GPC3: variants seen among roughly 807,000 people sequenced by gnomAD.
GPC3 encodes the protein glypican 3.
In GPC3, 3 loss-of-function variants were observed where a neutral mutation model predicts 34.4. The observed-to-expected ratio is 0.09, with a 90% CI of 0.04 to 0.23. The LOEUF (loss-of-function observed/expected upper bound fraction) is 0.23, where lower values mean the gene tolerates loss of function less well. Among genes scored for constraint, GPC3 ranks in the 10% least tolerant of loss-of-function variants. GPC3 has a pLI of 1.00. For missense variants in GPC3, 351 were observed against 445.6 expected, an observed-to-expected ratio of 0.79 and a Z score of 1.91; for synonymous variants, 177 against 174.0, an observed-to-expected ratio of 1.02 and a Z score of -0.13.
chrX:133,839,374 T>A (rs747559605), intron 2 of GPC3, among the ~76,000 whole-genome samples: 4 of 111,834 alleles, frequency 3.6e-5, no homozygotes, highest in African/African-American at 1.3e-4. Context: ...TTTAAACAAG[T>A]TGGATGTGTT....
intron 2 of GPC3, among the ~76,000 whole-genome samples, chrX:133,873,890 G>A (rs1262981809): frequency 9.0e-6 from 1 of 111,540 alleles, no homozygotes; most frequent in Non-Finnish European, 1.9e-5. Context: ...CACCAAAACA[G>A]GGTTCAATGT....
At chrX:133,688,841 C>T (rs765426385) in intron 5 of GPC3, among the ~76,000 whole-genome samples, 3 of 111,361 alleles carry the variant, frequency 2.7e-5, no homozygotes, top group South Asian at 3.8e-4. Flanking sequence ...AGATGAGACA[C>T]GAGTGCAAAG....
At chrX:133,657,753 T>C (rs999345523) in intron 6 of GPC3, among the ~76,000 whole-genome samples, 3 of 111,068 alleles carry the variant, frequency 2.7e-5, no homozygotes, top group African/African-American at 9.8e-5. Flanking sequence ...GTGGGTATAT[T>C]CTTTCCAGCG....
At chrX:133,591,899 A>G (rs966929430) in intron 7 of GPC3, among the ~76,000 whole-genome samples, 2 of 111,785 alleles carry the variant, frequency 1.8e-5, no homozygotes, top group Non-Finnish European at 1.9e-5. Context: ...ACCAGGCAAC[A>G]TTTTGGTAAG....
chrX:133,670,625 T>A (rs1329150741), intron 5 of GPC3, among the ~76,000 whole-genome samples: 1 of 111,995 alleles, frequency 8.9e-6, no homozygotes, highest in Non-Finnish European at 1.9e-5. Flanking sequence ...TTGCATGTAA[T>A]CCCTAACTCA....
chrX:133,614,548 C>T (rs1435107464), intron 6 of GPC3, among the ~76,000 whole-genome samples: 3 of 109,592 alleles, frequency 2.7e-5, no homozygotes, highest in African/African-American at 9.9e-5. Flanking sequence ...TTAAAAGAAA[C>T]AGAAACAGAA....
At chrX:133,983,294 T>C (rs2076549369) in intron 1 of GPC3, among the ~76,000 whole-genome samples, 1 of 112,012 alleles carries the variant, frequency 8.9e-6, no homozygotes, top group South Asian at 3.7e-4. Context: ...TCCTATAGAG[T>C]TTGTGAAATA....
At chrX:133,923,611 G>A (rs1330890559) in intron 2 of GPC3, among the ~76,000 whole-genome samples, 2 of 111,945 alleles carry the variant, frequency 1.8e-5, no homozygotes, top group African/African-American at 6.5e-5. Context: ...TAAGATGAGG[G>A]CTGTACAACC....
At chrX:133,982,218 A>G (rs1209306550) in intron 1 of GPC3, among the ~76,000 whole-genome samples, 3 of 112,052 alleles carry the variant, frequency 2.7e-5, no homozygotes, top group Non-Finnish European at 5.6e-5. Context: ...ATCTAGACTT[A>G]TGAGCTCATT....
chrX:133,556,923 T>TA (rs1368185590), intron 7 of GPC3, among the ~76,000 whole-genome samples: 12 of 106,013 alleles, frequency 1.1e-4, no homozygotes, highest in East Asian at 5.9e-4. Flanking sequence ...AAGTATAATT[T>TA]AAAAAAAAAA....
At chrX:133,923,716 G>C (rs1468890172) in intron 2 of GPC3, among the ~76,000 whole-genome samples, 1 of 112,452 alleles carries the variant, frequency 8.9e-6, no homozygotes, top group Admixed American at 9.4e-5. Flanking sequence ...TCAGCCCTAG[G>C]CTCGGCAGTG....
At chrX:133,564,950 A>G (rs1301722267) in intron 7 of GPC3, among the ~76,000 whole-genome samples, 1 of 112,391 alleles carries the variant, frequency 8.9e-6, no homozygotes, top group Non-Finnish European at 1.9e-5. Context: ...TCTTTCTGGC[A>G]CAATCAATAG....
chrX:133,700,496 T>C lies in GPC3; in HGVS notation c.1033-468A>G, dbSNP rs1275006041. ...GCTCCCAATTTCTATGAGTATTTTT[T>C]TATAAGACCCAAGATAAGGTACTCT... On this transcript the variant is annotated intron_variant, in intron 3 of 7. Coordinates refer to ENST00000370818, the MANE Select transcript of GPC3 (RefSeq NM_004484.4). Among the ~76,000 whole-genome samples the C allele has an allele frequency of 2.7e-5, 3 of 111,342 alleles. No individual in the cohort carries two copies. In the East Asian group the frequency reaches 8.5e-4, roughly 32 times the overall value.
At chrX:133,575,934 T>A (rs754253250) in intron 7 of GPC3, among the ~76,000 whole-genome samples, 2 of 110,992 alleles carry the variant, frequency 1.8e-5, no homozygotes, top group Non-Finnish European at 3.8e-5. Flanking sequence ...GGGAGAAAAA[T>A]CTTCTGGGAA....
Position 133,588,795 on chromosome X carries a change from G to A in GPC3, c.1573+7645C>T, listed in dbSNP as rs980825873. On this transcript the variant is annotated intron_variant, in intron 7 of 7. Coordinates refer to ENST00000370818, the MANE Select transcript of GPC3 (RefSeq NM_004484.4). ...CCTAATTGCTGTTTTACTTGAGATCGTCGTTATTTTGTGTTCAGATTATAA... is the reference window on the plus strand; with the variant it reads ...CCTAATTGCTGTTTTACTTGAGATCATCGTTATTTTGTGTTCAGATTATAA... Among the ~76,000 whole-genome samples, 9 of 111,880 alleles carry A rather than the reference G, an allele frequency of 8.0e-5. No homozygotes were observed. In the South Asian group the frequency reaches 1.5e-3, roughly 19 times the overall value.
At chrX:133,589,388 T>C (rs932358628) in intron 7 of GPC3, among the ~76,000 whole-genome samples, 1 of 111,131 alleles carries the variant, frequency 9.0e-6, no homozygotes, top group Non-Finnish European at 1.9e-5. Flanking sequence ...CTTATTTTAT[T>C]TTTTTGAGAT....
At chrX:133,671,428 T>A in intron 5 of GPC3, 1 of 473,827 alleles carries the variant, frequency 2.1e-6, no homozygotes, top group South Asian at 3.1e-5. Flanking sequence ...GGATTTTTCA[T>A]GAGAGGATTT....
chrX:133,661,738 T>C lies in GPC3; in HGVS notation c.1405A>G (p.Ile469Val), dbSNP rs2070728648. 1.7e-6 allele frequency: 2 copies of C among 1,163,178 alleles called. No individual in the cohort carries two copies. Among genetic ancestry groups the C allele is most frequent in the Non-Finnish European group, 2.3e-6 (2 of 855,751 alleles). ...TTTTATATTCCACATACCTGGTTAATGTGCTTCAGTTTGTCAATAATTTGA... is the reference window on the plus strand; with the variant it reads ...TTTTATATTCCACATACCTGGTTAACGTGCTTCAGTTTGTCAATAATTTGA... ...VSQIIDKLKHINQLLRTMSMP... is the reference protein window; with the variant it reads ...VSQIIDKLKHVNQLLRTMSMP... Residue 469 changes from isoleucine to valine, a missense_variant, in exon 6 of 8, where the codon ATT becomes GTT. Transcript: ENST00000370818.
At chrX:133,860,472 A>G (rs2075931251) in intron 2 of GPC3, among the ~76,000 whole-genome samples, 1 of 111,498 alleles carries the variant, frequency 9.0e-6, no homozygotes, top group African/African-American at 3.3e-5. Context: ...ACCACTAAAA[A>G]CTTGTTAACA....
Sources: allele counts gnomAD v4.1 joint callset (sites outside exome capture counted in the v4.1 genomes callset), GRCh38; gene constraint gnomAD v4.1.1; transcripts MANE v1.5; gene names NCBI Gene and HGNC (gene_info 2026-07-23, HGNC 2026-07-21).